Variants in PRKG1 observed in about 807,000 individuals in gnomAD.
PRKG1 encodes the protein protein kinase cGMP-dependent 1.
In PRKG1, 35 loss-of-function variants were observed where a neutral mutation model predicts 88.1. The observed-to-expected ratio is 0.40, with a 90% CI of 0.30 to 0.53. PRKG1 has a LOEUF of 0.53. PRKG1 is among the 20% of genes least tolerant of loss of function. The pLI, the probability that PRKG1 is intolerant of heterozygous loss-of-function variation, is 0.59. For missense variants in PRKG1, 540 were observed against 839.8 expected (o/e 0.64, Z 4.41); for synonymous variants, 303 against 292.5 (o/e 1.04, Z -0.37).
chr10:51,698,451 C>T, intron 3 of PRKG1: 1 of 1,614,170 alleles, frequency 6.2e-7, no homozygotes, highest in Non-Finnish European at 8.5e-7. Flanking sequence ...TGACCAGAGG[C>T]ATGATGCATG....
At chr10:52,094,597 C>T (rs1411508766) in intron 7 of PRKG1, among the ~76,000 whole-genome samples, 1 of 152,168 alleles carries the variant, frequency 6.6e-6, no homozygotes, top group Non-Finnish European at 1.5e-5. Context: ...ATGGCTTAAA[C>T]AAGAGAAATT....
chr10:52,223,023 C>T (rs768474698), intron 9 of PRKG1, among the ~76,000 whole-genome samples: 3 of 152,078 alleles, frequency 2.0e-5, no homozygotes, highest in South Asian at 2.1e-4. Flanking sequence ...GCTCATATCC[C>T]CTTTCTCTTA....
intron 2 of PRKG1, among the ~76,000 whole-genome samples, chr10:51,371,816 T>C (rs192516097): frequency 2.0e-5 from 3 of 152,280 alleles, no homozygotes; most frequent in Admixed American, 2.0e-4. Context: ...CAGCAAAATA[T>C]ACAGCCTCTG....
intron 3 of PRKG1, among the ~76,000 whole-genome samples, chr10:51,632,386 T>C (rs887585971): frequency 5.3e-5 from 8 of 152,242 alleles, no homozygotes; most frequent in African/African-American, 1.4e-4. Context: ...TTTGGAATTA[T>C]GTAAATAGGA....
At chr10:51,148,298 A>T in intron 1 of PRKG1, 12 of 982,898 alleles carry the variant, frequency 1.2e-5, no homozygotes, top group Non-Finnish European at 1.4e-5. Context: ...TTCCCCTGAC[A>T]TTTGATCCCA....
In PRKG1 at chr10:51,629,881, C is replaced by T. The variant is rs563182446; in HGVS notation, c.592+162045C>T. On this transcript the variant is annotated intron_variant, in intron 3 of 17. Transcript: ENST00000373980. ...AGCTGGGAGAAAGAAGGCCCTGGCT[C>T]CATCTCTTTCAAACCCTCTGCTAAT... is the stretch of plus-strand genomic sequence containing the variant. Among the ~76,000 whole-genome samples, 6 of 152,230 alleles carry T rather than the reference C, an allele frequency of 3.9e-5. No individual in the cohort carries two copies. In the South Asian group the frequency reaches 8.3e-4, roughly 21 times the overall value.
intron 9 of PRKG1, among the ~76,000 whole-genome samples, chr10:52,194,432 A>G (rs11001130): frequency 0.5 from 76,386 of 151,974 alleles, 19,811 homozygotes; most frequent in East Asian, 0.61. Context: ...CTGTTATTCA[A>G]AGATAAAAAT....
intron 2 of PRKG1, among the ~76,000 whole-genome samples, chr10:51,462,138 G>T (rs1285953575): frequency 4.6e-5 from 7 of 152,100 alleles, no homozygotes; most frequent in Non-Finnish European, 7.4e-5. Flanking sequence ...AATCATGAAG[G>T]TATAGTCAAA....
At position 51,249,839 on chromosome 10, in the gene PRKG1, G is replaced by A. The variant is rs891078914; in HGVS notation, c.478+96509G>A. ...TTGTGAAGTGTGCATTCTAATAGCC[G>A]GGCATATTTGTCATCTTTGTATTCC... On this transcript the variant is annotated intron_variant, in intron 2 of 17. Transcript: ENST00000373980. Among the ~76,000 whole-genome samples the A allele has an allele frequency of 6.6e-5, 10 of 151,818 alleles. No homozygotes were observed. In the Middle Eastern group the frequency reaches 0.01, roughly 155 times the overall value.
intron 2 of PRKG1, among the ~76,000 whole-genome samples, chr10:51,173,703 C>T (rs1395087824): frequency 1.3e-5 from 2 of 151,730 alleles, no homozygotes; most frequent in Non-Finnish European, 3.0e-5. Flanking sequence ...TCCTTCAATT[C>T]CTCATACCAA....
chr10:51,452,736 A>G lies in PRKG1; in HGVS notation c.479-14987A>G, dbSNP rs117566562. 4.8e-4 allele frequency among the ~76,000 whole-genome samples: 73 copies of G among 152,020 alleles called. 1 individual carries two copies. In the East Asian group the frequency reaches 0.012, roughly 26 times the overall value. On this transcript the variant is annotated intron_variant, in intron 2 of 17. Coordinates refer to ENST00000373980, the MANE Select transcript of PRKG1 (RefSeq NM_006258.4). ...TGTTGCATCTGTGTTCATCAGGGAT[A>G]TTGGTCTGTAGTTTTATGTTTTAAT... is the stretch of plus-strand genomic sequence containing the variant.
intron 5 of PRKG1, among the ~76,000 whole-genome samples, chr10:51,982,812 G>A (rs1844045594): frequency 6.6e-6 from 1 of 152,062 alleles, no homozygotes; most frequent in Non-Finnish European, 1.5e-5. Context: ...AGCAGCAGCA[G>A]CAGCAGTGTA....
intron 6 of PRKG1, among the ~76,000 whole-genome samples, chr10:52,058,405 G>T (rs544973517): frequency 1.3e-4 from 20 of 152,004 alleles, no homozygotes; most frequent in Non-Finnish European, 2.2e-4. Context: ...GCAGTGAAAG[G>T]GTGTGACAAG....
intron 3 of PRKG1, among the ~76,000 whole-genome samples, chr10:51,706,854 G>T (rs551966993): frequency 1.3e-5 from 2 of 151,896 alleles, no homozygotes; most frequent in South Asian, 4.2e-4. Context: ...TGGAATACAT[G>T]ATATACTTAT....
chr10:51,098,977 A>G (rs1844611195), intron 1 of PRKG1, among the ~76,000 whole-genome samples: 1 of 152,172 alleles, frequency 6.6e-6, no homozygotes, highest in Admixed American at 6.5e-5. Flanking sequence ...ACAAAAGCCT[A>G]GCTCCCTTGC....
intron 1 of PRKG1, among the ~76,000 whole-genome samples, chr10:51,018,801 G>T (rs146536664): frequency 6.6e-6 from 1 of 152,150 alleles, no homozygotes; most frequent in African/African-American, 2.4e-5. Flanking sequence ...ACATTGACTC[G>T]ATACGAGTAC....
intron 3 of PRKG1, among the ~76,000 whole-genome samples, chr10:51,732,282 G>A (rs115844762): frequency 5.7e-4 from 86 of 152,140 alleles, no homozygotes; most frequent in African/African-American, 2.0e-3. Flanking sequence ...TACTCCTATG[G>A]TTTCATTTTA....
At chr10:51,415,340 G>C (rs528136361) in intron 2 of PRKG1, among the ~76,000 whole-genome samples, 1 of 152,308 alleles carries the variant, frequency 6.6e-6, no homozygotes, top group African/African-American at 2.4e-5. Context: ...TTATAGAAAT[G>C]AGGTCATCTG....
At chr10:51,899,366 C>CA (rs1191740579) in intron 4 of PRKG1, among the ~76,000 whole-genome samples, 24 of 148,698 alleles carry the variant, frequency 1.6e-4, no homozygotes, top group Admixed American at 4.0e-4. Context: ...TTTCCCAAAT[C>CA]AAAAAAAAAT....
Sources: allele counts gnomAD v4.1 joint callset (sites outside exome capture counted in the v4.1 genomes callset), GRCh38; gene constraint gnomAD v4.1.1; transcripts MANE v1.5; gene names NCBI Gene and HGNC (gene_info 2026-07-23, HGNC 2026-07-21).